Variants in LINGO2 observed in about 807,000 individuals in gnomAD.
LINGO2 encodes the protein leucine rich repeat and Ig domain containing 2.
In LINGO2, 14 loss-of-function variants were observed where a neutral mutation model predicts 30.6. The observed-to-expected ratio is 0.46, with a 90% CI of 0.30 to 0.72. The LOEUF (loss-of-function observed/expected upper bound fraction) is 0.72, where lower values mean the gene tolerates loss of function less well. Among genes scored for constraint, LINGO2 ranks in the 30% least tolerant of loss-of-function variants. The pLI is 0.07. For missense variants in LINGO2, 729 were observed against 751.7 expected, an observed-to-expected ratio of 0.97 and a Z score of 0.35; for synonymous variants, 317 against 288.5, an observed-to-expected ratio of 1.10 and a Z score of -1.00.
the LINGO2 span, among the ~76,000 whole-genome samples, chr9:29,100,854 G>T: frequency 6.6e-6 from 1 of 151,988 alleles, no homozygotes; most frequent in Non-Finnish European, 1.5e-5. Context: ...ATCTATCTAG[G>T]TAGCTAGCTA....
chr9:28,729,268 T>C, the LINGO2 span, among the ~76,000 whole-genome samples: 2 of 152,122 alleles, frequency 1.3e-5, no homozygotes, highest in Non-Finnish European at 2.9e-5. Context: ...TAACAAATAA[T>C]TCATTCAACA....
At chr9:28,313,973 A>G (rs1384095461) in intron 3 of LINGO2, among the ~76,000 whole-genome samples, 2 of 151,860 alleles carry the variant, frequency 1.3e-5, no homozygotes, top group Non-Finnish European at 2.9e-5. Context: ...TCGCTCTTTC[A>G]CCCAGGCTGG....
At chr9:29,189,087 GGCGGCTGGCCGACC>G in the LINGO2 span, among the ~76,000 whole-genome samples, 1 of 82,978 alleles carries the variant, frequency 1.2e-5, no homozygotes, top group African/African-American at 3.4e-5. Context: ...TCCCGGACGG[GGCGGCTGGCCGACC>G]GCCCCGCCTC....
chr9:28,335,404 A>G (rs1825557916), intron 3 of LINGO2, among the ~76,000 whole-genome samples: 1 of 152,166 alleles, frequency 6.6e-6, no homozygotes, highest in Non-Finnish European at 1.5e-5. Context: ...TTTCTTTGTA[A>G]TCATCTGTTA....
At chr9:28,928,851 T>C in the LINGO2 span, among the ~76,000 whole-genome samples, 1 of 152,058 alleles carries the variant, frequency 6.6e-6, no homozygotes, top group Non-Finnish European at 1.5e-5. Flanking sequence ...ATCGGCCCCG[T>C]ATGTGAGCTC....
chr9:28,466,590 A>G (rs1384428617), intron 2 of LINGO2, among the ~76,000 whole-genome samples: 4 of 152,208 alleles, frequency 2.6e-5, no homozygotes, highest in Admixed American at 2.6e-4. Context: ...AAATAAATGA[A>G]AGAGTACAAC....
In LINGO2 at chr9:28,329,505, C is replaced by T. The variant is rs933854588; in HGVS notation, c.-245-34139G>A. ...TTTTGCTCCTGTTCAATCTAAAATGCTCATGATAATTGACTCCTGGTACAA... is the reference window on the plus strand; with the variant it reads ...TTTTGCTCCTGTTCAATCTAAAATGTTCATGATAATTGACTCCTGGTACAA... On this transcript the variant is annotated intron_variant, in intron 3 of 5. Transcript: ENST00000379992. The surrounding 1 kb of genome is among the most constrained non-coding windows in gnomAD (Gnocchi z 4.5). 3.9e-5 allele frequency among the ~76,000 whole-genome samples: 6 copies of T among 152,112 alleles called. No individual in the cohort carries two copies. Among genetic ancestry groups the T allele is most frequent in the Admixed American group, 3.9e-4 (6 of 15,260 alleles).
At chr9:27,949,405 C>G in exon 6 of LINGO2, 1 of 1,614,134 alleles carries the variant, frequency 6.2e-7, no homozygotes, top group South Asian at 1.1e-5. Context: ...TGCCCTTCAT[C>G]TACTAGCAGA....
chr9:28,550,776 G>GAGTC (rs1218813438), intron 1 of LINGO2, among the ~76,000 whole-genome samples: 1 of 151,696 alleles, frequency 6.6e-6, no homozygotes, highest in African/African-American at 2.4e-5. Flanking sequence ...TCAATGTAAG[G>GAGTC]AGTCATATAA....
At chr9:28,666,082 G>C (rs1828790070) in intron 1 of LINGO2, among the ~76,000 whole-genome samples, 1 of 151,902 alleles carries the variant, frequency 6.6e-6, no homozygotes, top group Non-Finnish European at 1.5e-5. Flanking sequence ...AGTAGAGACG[G>C]GGTTTCACCA....
the LINGO2 span, among the ~76,000 whole-genome samples, chr9:29,017,628 A>G: frequency 2.0e-5 from 3 of 152,168 alleles, no homozygotes; most frequent in African/African-American, 2.4e-5. Context: ...GTTGGCATGC[A>G]TCAAGGTAGC....
intron 3 of LINGO2, among the ~76,000 whole-genome samples, chr9:28,341,929 C>A (rs1444976212): frequency 6.6e-6 from 1 of 152,046 alleles, no homozygotes; most frequent in Non-Finnish European, 1.5e-5. Context: ...ACACATTTAC[C>A]ACCTTCTTTT....
At chr9:28,077,710 A>C (rs1459386767) in intron 4 of LINGO2, among the ~76,000 whole-genome samples, 1 of 148,902 alleles carries the variant, frequency 6.7e-6, no homozygotes, top group Non-Finnish European at 1.5e-5. Flanking sequence ...AAAAAAATAA[A>C]AACCAAAACC....
At chr9:29,207,567 T>TA in the LINGO2 span, among the ~76,000 whole-genome samples, 2 of 152,146 alleles carry the variant, frequency 1.3e-5, no homozygotes, top group Admixed American at 6.5e-5. Flanking sequence ...ATGATATTTG[T>TA]AAAGACAATA....
At chr9:28,803,935 A>G in the LINGO2 span, among the ~76,000 whole-genome samples, 1 of 152,052 alleles carries the variant, frequency 6.6e-6, no homozygotes, top group African/African-American at 2.4e-5. Context: ...TTTTCTTCAA[A>G]GAATTATAAA....
chr9:28,518,761 C>T (rs1240079227), intron 1 of LINGO2, among the ~76,000 whole-genome samples: 2 of 152,250 alleles, frequency 1.3e-5, no homozygotes, highest in Admixed American at 6.5e-5. Context: ...ATAATTGCTT[C>T]GTTGGGCCTA....
At chr9:28,163,169 G>A (rs1828334455) in intron 4 of LINGO2, among the ~76,000 whole-genome samples, 1 of 152,044 alleles carries the variant, frequency 6.6e-6, no homozygotes, top group Middle Eastern at 3.2e-3. Flanking sequence ...AGAAACTAGA[G>A]GCAGAAAACA....
chr9:28,718,297 C>A, the LINGO2 span, among the ~76,000 whole-genome samples: 1 of 151,854 alleles, frequency 6.6e-6, no homozygotes, highest in Admixed American at 6.6e-5. Context: ...ACTTGATGGG[C>A]CAGCTCAAAG....
At chr9:28,560,342 G>T (rs1822981535) in intron 1 of LINGO2, among the ~76,000 whole-genome samples, 1 of 152,002 alleles carries the variant, frequency 6.6e-6, no homozygotes, top group Non-Finnish European at 1.5e-5. Context: ...TCAGTTGAAG[G>T]ATTAGGAAAA....
Sources: gnomAD v4.1 joint callset for allele counts (sites outside exome capture counted in the v4.1 genomes callset) on GRCh38, gnomAD v4.1.1 for gene constraint, Gnocchi (gnomAD v3.1) non-coding constraint, MANE v1.5 for transcripts, NCBI Gene and HGNC (gene_info 2026-07-23, HGNC 2026-07-21) for gene names.